Variants in TENM3 observed in about 807,000 individuals in gnomAD.
TENM3 encodes teneurin-3.
TENM3 carries 63 observed loss-of-function variants against 255.1 expected under a neutral mutation model. That is an observed-to-expected ratio of 0.25 (90% confidence interval 0.20 to 0.30). The LOEUF (loss-of-function observed/expected upper bound fraction) is 0.30. Ranked by LOEUF, TENM3 falls within the 10% of genes least tolerant of loss-of-function variation. The pLI is 1.00. For synonymous variants in TENM3, 1,306 were observed against 1,322.3 expected, an observed-to-expected ratio of 0.99 and a Z score of 0.27; for missense variants, 2,929 against 3,461.1, an observed-to-expected ratio of 0.85 and a Z score of 3.86.
At chr4:182,562,018 A>G (rs1743241829) in intron 3 of TENM3, among the ~76,000 whole-genome samples, 1 of 151,968 alleles carries the variant, frequency 6.6e-6, no homozygotes, top group Admixed American at 6.6e-5. Flanking sequence ...ATAGATAGAT[A>G]GATAGATAGA....
intron 3 of TENM3, among the ~76,000 whole-genome samples, chr4:182,403,591 T>G (rs1580427281): frequency 1.3e-5 from 2 of 152,112 alleles, no homozygotes; most frequent in Admixed American, 1.3e-4. Flanking sequence ...GCAAAGAAAA[T>G]TAGCTTTTAT....
chr4:181,543,758 A>C, the TENM3 span, among the ~76,000 whole-genome samples: 1 of 152,202 alleles, frequency 6.6e-6, no homozygotes, highest in Non-Finnish European at 1.5e-5. Context: ...AGTGTTTCGT[A>C]TTAGGCTGAT....
chr4:182,355,994 G>A (rs1408863445), intron 3 of TENM3, among the ~76,000 whole-genome samples: 3 of 151,364 alleles, frequency 2.0e-5, no homozygotes, highest in Non-Finnish European at 4.4e-5. Context: ...TAAAGCCACA[G>A]GGCAGAATTA....
the TENM3 span, among the ~76,000 whole-genome samples, chr4:181,999,499 A>G: frequency 1.3e-5 from 2 of 152,208 alleles, no homozygotes; most frequent in Admixed American, 1.3e-4. Flanking sequence ...TTATGTGTAT[A>G]CAAAACTTGT....
At chr4:182,149,944 A>AT (rs1276136220) in intron 1 of TENM3, among the ~76,000 whole-genome samples, 2 of 152,224 alleles carry the variant, frequency 1.3e-5, no homozygotes, top group East Asian at 1.9e-4. Context: ...TAGTGCCTGT[A>AT]TTCACACTTG....
At chr4:182,270,307 T>A (rs956093819) in intron 1 of TENM3, among the ~76,000 whole-genome samples, 1 of 152,192 alleles carries the variant, frequency 6.6e-6, no homozygotes, top group Non-Finnish European at 1.5e-5. Context: ...TACAGGTTCA[T>A]TTAAGAATAT....
chr4:181,464,862 A>T, the TENM3 span, among the ~76,000 whole-genome samples: 1 of 152,282 alleles, frequency 6.6e-6, no homozygotes, highest in East Asian at 1.9e-4. Flanking sequence ...GAGGCAGGAG[A>T]ATGACTTGAA....
the TENM3 span, among the ~76,000 whole-genome samples, chr4:181,547,052 C>T: frequency 6.6e-6 from 1 of 152,058 alleles, no homozygotes; most frequent in South Asian, 2.1e-4. Context: ...TTTTTTAGCA[C>T]TTTATTCTTA....
chr4:181,714,692 G>A, the TENM3 span, among the ~76,000 whole-genome samples: 1 of 152,084 alleles, frequency 6.6e-6, no homozygotes. Context: ...AAATGTGGAT[G>A]TGATTGATGC....
the TENM3 span, among the ~76,000 whole-genome samples, chr4:182,092,848 A>G: frequency 6.6e-6 from 1 of 152,198 alleles, no homozygotes; most frequent in Non-Finnish European, 1.5e-5. Context: ...TCTTATCTAC[A>G]TAAAGGCTTT....
intron 3 of TENM3, among the ~76,000 whole-genome samples, chr4:182,481,599 G>A (rs1224724931): frequency 1.4e-5 from 2 of 148,144 alleles, no homozygotes; most frequent in East Asian, 2.1e-4. Context: ...GTTCACGACC[G>A]GCCTGAGCAA....
chr4:182,347,913 G>T (rs964440910), intron 3 of TENM3, among the ~76,000 whole-genome samples: 12 of 152,136 alleles, frequency 7.9e-5, no homozygotes, highest in Admixed American at 2.6e-4. Flanking sequence ...AAGAAAAATG[G>T]TTGTTTTATC....
In TENM3 at chr4:182,184,883, G is replaced by C. The variant is rs142463336; in HGVS notation, c.-76+40129G>C. On this transcript the variant is annotated intron_variant, in intron 1 of 2. Transcript: ENST00000512480. ...GTATCACCTGAGGTCAGGAGTTCAA[G>C]ATCAGCTTGGCCAACATGATGACAC... is the stretch of plus-strand genomic sequence containing the variant. Among the ~76,000 whole-genome samples, 53 of 152,226 alleles carry C rather than the reference G, an allele frequency of 3.5e-4. 1 individual carries two copies. In the East Asian group the frequency reaches 9.5e-3, roughly 27 times the overall value.
chr4:182,466,264 A>G (rs1020319008), intron 3 of TENM3, among the ~76,000 whole-genome samples: 3 of 152,208 alleles, frequency 2.0e-5, no homozygotes, highest in African/African-American at 7.2e-5. Flanking sequence ...CTAGACATCC[A>G]AAATCAAGGT....
At chr4:182,225,774 CT>C (rs1424315195) in intron 1 of TENM3, among the ~76,000 whole-genome samples, 4 of 152,148 alleles carry the variant, frequency 2.6e-5, no homozygotes, top group African/African-American at 9.7e-5. Flanking sequence ...AAGAAAGTGG[CT>C]TTCTTATCTA....
the TENM3 span, among the ~76,000 whole-genome samples, chr4:182,044,811 G>A: frequency 0.025 from 3,800 of 152,244 alleles, 162 homozygotes; most frequent in African/African-American, 0.084. Flanking sequence ...CAAAAGGGAA[G>A]GGGAAAGGGA....
At chr4:182,034,733 G>A in the TENM3 span, among the ~76,000 whole-genome samples, 1 of 152,120 alleles carries the variant, frequency 6.6e-6, no homozygotes, top group African/African-American at 2.4e-5. Flanking sequence ...CAGCTTGTAG[G>A]GTTTCTGCTG....
intron 3 of TENM3, among the ~76,000 whole-genome samples, chr4:182,385,806 A>G (rs2150948875): frequency 6.6e-6 from 1 of 152,302 alleles, no homozygotes; most frequent in Admixed American, 6.5e-5. Context: ...TAGATGACAG[A>G]TGTGTTTTAA....
intron 22 of TENM3, among the ~76,000 whole-genome samples, chr4:182,768,006 G>A (rs1307408454): frequency 2.6e-5 from 4 of 152,130 alleles, no homozygotes; most frequent in East Asian, 3.9e-4. Context: ...GGGCATTGCC[G>A]CCAGTATATA....
Sources: gnomAD v4.1 joint callset for allele counts (sites outside exome capture counted in the v4.1 genomes callset) on GRCh38, gnomAD v4.1.1 for gene constraint, MANE v1.5 for transcripts, NCBI Gene and HGNC (gene_info 2026-07-23, HGNC 2026-07-21) for gene names.